The following COL15A1 variants were observed in gnomAD, a reference collection of about 807,000 sequenced individuals.
The protein encoded by COL15A1 is collagen alpha-1(XV) chain.
A neutral mutation model predicts 165.9 loss-of-function variants in COL15A1; 111 were observed. The ratio of observed to expected loss-of-function variants is 0.67; its 90% CI spans 0.57 to 0.78. The LOEUF is 0.78. Among genes scored for constraint, COL15A1 ranks in the 30% least tolerant of loss-of-function variants. COL15A1 has a pLI of 0.00. For synonymous variants in COL15A1, 659 were observed against 674.8 expected (o/e 0.98, Z 0.36); for missense variants, 1,745 against 1,789.7 (o/e 0.98, Z 0.45).
intron 16 of COL15A1, among the ~76,000 whole-genome samples, chr9:99,028,921 T>A (rs1042207276): frequency 6.6e-6 from 1 of 152,258 alleles, no homozygotes; most frequent in African/African-American, 2.4e-5. Context: ...AGTTCGATGA[T>A]AGAAATATTC....
Position 98,994,083 on chromosome 9 carries a change from A to G in COL15A1, c.805-2851A>G, listed in dbSNP as rs544492203. Among the ~76,000 whole-genome samples the G allele has an allele frequency of 2.5e-3, 319 of 127,472 alleles. 4 individuals carry two copies. Among genetic ancestry groups the G allele is most frequent in the African/African-American group, 9.4e-3 (310 of 33,082 alleles). 83.6% of individuals were successfully genotyped at this position (127,472 alleles called of 152,430 possible). Reference sequence around the variant, plus strand: ...CTGTGGTTCTCAGCCCTGGCTGTGCATCAGGGTCATTTGTGTGTAAGTGTG... The same window carrying G: ...CTGTGGTTCTCAGCCCTGGCTGTGCGTCAGGGTCATTTGTGTGTAAGTGTG... On this transcript the variant is annotated intron_variant, in intron 5 of 41. Coordinates refer to ENST00000375001, the MANE Select transcript of COL15A1 (RefSeq NM_001855.5).
chr9:98,984,193 C>T (rs1479761040), intron 2 of COL15A1, among the ~76,000 whole-genome samples: 1 of 152,224 alleles, frequency 6.6e-6, no homozygotes, highest in Non-Finnish European at 1.5e-5. Context: ...AAGGGTGTTA[C>T]TTGTCCATTG....
intron 26 of COL15A1, 97 bp downstream of exon 26, chr9:99,044,867 TCAAAGATGTGG>T: frequency 1.7e-6 from 2 of 1,194,856 alleles, no homozygotes; most frequent in Admixed American, 3.7e-5. Context: ...TTATGAAAAT[TCAAAGATGTGG>T]CAAAGATGTG....
At chr9:98,963,142 CTT>C (rs1039547239) in intron 2 of COL15A1, among the ~76,000 whole-genome samples, 9 of 152,346 alleles carry the variant, frequency 5.9e-5, no homozygotes, top group African/African-American at 2.2e-4. Context: ...AAGAATCACT[CTT>C]TGGAGGCAGC....
At chr9:99,016,279 G>A (rs1838934035) in intron 11 of COL15A1, among the ~76,000 whole-genome samples, 160 bp downstream of exon 11, 1 of 152,242 alleles carries the variant, frequency 6.6e-6, no homozygotes, top group Non-Finnish European at 1.5e-5. Context: ...CCTGAGGAAA[G>A]CTTGAGGAAA....
At position 99,041,968 on chromosome 9, in the gene COL15A1, G is replaced by T. The variant is rs1259540159; in HGVS notation, c.2512-77G>T. The T allele has an allele frequency of 3.0e-6, 3 of 991,946 alleles. No homozygotes were observed. In the East Asian group the frequency reaches 7.3e-5, roughly 24 times the overall value. The allele number at this position is 991,946 out of a possible 1,614,324, so 61.4% of individuals were successfully genotyped here. On this transcript the variant is annotated intron_variant, in intron 23 of 41. Coordinates refer to ENST00000375001, the MANE Select transcript of COL15A1 (RefSeq NM_001855.5). ...ATGGCAGTGTGTATTCTACTGTTGA[G>T]AAAAAATATATTTCTGATTGGTTTA...
Position 99,004,936 on chromosome 9 carries a change from A to C in COL15A1, c.1239A>C (p.Ala413=). ...AAGAGCGTTTAGCAGCAACAGCAGC[A>C]GGGGAGGCCGAGGCACTCGCCAGCA... ...DNEERLAATA[A]GEAEALASMP... The change falls in exon 9 of 42, where the codon GCA becomes GCC. Residue 413 remains alanine (A), a synonymous_variant. Coordinates refer to ENST00000375001, the MANE Select transcript of COL15A1 (RefSeq NM_001855.5). 6.2e-7 allele frequency: 1 copy of C among 1,614,074 alleles called. No homozygotes were observed. The highest frequency in any genetic ancestry group is 8.5e-7 in the Non-Finnish European group (1 of 1,179,980).
chr9:99,026,235 T>C (rs992991403), intron 16 of COL15A1, among the ~76,000 whole-genome samples: 3 of 152,178 alleles, frequency 2.0e-5, no homozygotes, highest in African/African-American at 7.2e-5. Context: ...AAATGGAATC[T>C]TCTCTAACTC....
intron 9 of COL15A1, among the ~76,000 whole-genome samples, chr9:99,011,077 G>T (rs949521170): frequency 2.6e-5 from 4 of 152,092 alleles, no homozygotes; most frequent in African/African-American, 9.7e-5. Flanking sequence ...ATTATTTCAG[G>T]CCTTTTAAAA....
intron 9 of COL15A1, among the ~76,000 whole-genome samples, chr9:99,011,553 G>A (rs1289830628): frequency 6.6e-6 from 1 of 151,576 alleles, no homozygotes; most frequent in Non-Finnish European, 1.5e-5. Context: ...CTCATTTCCT[G>A]ATTCCCTTCA....
chr9:98,953,634 A>C (rs532714219), intron 2 of COL15A1, among the ~76,000 whole-genome samples: 5 of 152,138 alleles, frequency 3.3e-5, no homozygotes, highest in Non-Finnish European at 5.9e-5. Context: ...AGGGCAAAAA[A>C]CTATTCTGAG....
intron 30 of COL15A1, among the ~76,000 whole-genome samples, chr9:99,050,640 C>G (rs1421218412): frequency 6.6e-6 from 1 of 152,260 alleles, no homozygotes; most frequent in Non-Finnish European, 1.5e-5. Context: ...TAATCATTCT[C>G]TCATTCATTC....
chr9:98,982,121 A>G (rs956215126), intron 2 of COL15A1, among the ~76,000 whole-genome samples: 5 of 151,946 alleles, frequency 3.3e-5, no homozygotes, highest in Non-Finnish European at 4.4e-5. Flanking sequence ...ATTTTAAAAA[A>G]TGATATATAT....
At chr9:98,990,850 G>A (rs1390711050) in intron 5 of COL15A1, among the ~76,000 whole-genome samples, 1 of 152,212 alleles carries the variant, frequency 6.6e-6, no homozygotes, top group Non-Finnish European at 1.5e-5. Flanking sequence ...CTTCAAGAAT[G>A]AAACCACGGA....
At chr9:98,964,089 G>T (rs556577983) in intron 2 of COL15A1, among the ~76,000 whole-genome samples, 1 of 152,236 alleles carries the variant, frequency 6.6e-6, no homozygotes, top group South Asian at 2.1e-4. Flanking sequence ...TGGCTAGTAC[G>T]TGGCTGAGCA....
At chr9:99,010,721 G>C (rs1002383536) in intron 9 of COL15A1, among the ~76,000 whole-genome samples, 1 of 152,118 alleles carries the variant, frequency 6.6e-6, no homozygotes, top group Non-Finnish European at 1.5e-5. Flanking sequence ...ACGTCCCATG[G>C]GCCTTCGGCT....
At chr9:98,979,146 TA>T (rs756205924) in intron 2 of COL15A1, among the ~76,000 whole-genome samples, 4 of 152,256 alleles carry the variant, frequency 2.6e-5, no homozygotes, top group Non-Finnish European at 5.9e-5. Flanking sequence ...GAATTTTAGG[TA>T]AATTTAAACC....
chr9:99,000,913 T>G lies in COL15A1; in HGVS notation c.1027T>G (p.Ser343Ala), dbSNP rs772284159. The change falls in exon 7 of 42, where the codon TCA becomes GCA. Residue 343 changes from serine (S) to alanine (A), a missense_variant. Ser to Ala is a moderately conservative substitution (Grantham distance 99). Coordinates refer to ENST00000375001, the MANE Select transcript of COL15A1 (RefSeq NM_001855.5). ...VDGDPITDSG[S>A]GAGAFLDIAE... ...TGGTGACCCCATTACTGACAGCGGCTCAGGGGCTGGGGCCTTCCTTGACAT... is the reference window on the plus strand; with the variant it reads ...TGGTGACCCCATTACTGACAGCGGCGCAGGGGCTGGGGCCTTCCTTGACAT... The G allele has an allele frequency of 1.9e-6, 3 of 1,600,688 alleles. No individual in the cohort carries two copies. In the South Asian group the frequency reaches 3.3e-5, roughly 18 times the overall value.
intron 14 of COL15A1, among the ~76,000 whole-genome samples, chr9:99,024,071 C>A (rs1432392815): frequency 6.6e-6 from 1 of 152,062 alleles, no homozygotes; most frequent in Non-Finnish European, 1.5e-5. Flanking sequence ...GTGCTGAATC[C>A]CTGGTTGAAA....
Sources: allele counts gnomAD v4.1 joint callset (sites outside exome capture counted in the v4.1 genomes callset), GRCh38; gene constraint gnomAD v4.1.1; transcripts MANE v1.5; gene names NCBI Gene and HGNC (gene_info 2026-07-23, HGNC 2026-07-21).